Variants in SLC28A1 observed in about 807,000 individuals in gnomAD.
SLC28A1 encodes solute carrier family 28 member 1.
In SLC28A1, 64 loss-of-function variants were observed where a neutral mutation model predicts 74.8. That is an observed-to-expected ratio of 0.86 (90% CI 0.70 to 1.05). The LOEUF (loss-of-function observed/expected upper bound fraction) is 1.05, where lower values mean the gene tolerates loss of function less well. Ranked by LOEUF, SLC28A1 falls within the 50% of genes least tolerant of loss-of-function variation. The pLI is 0.00. For synonymous variants in SLC28A1, 359 were observed against 335.0 expected, an observed-to-expected ratio of 1.07 and a Z score of -0.78; for missense variants, 828 against 822.8, an observed-to-expected ratio of 1.01 and a Z score of -0.08.
At chr15:84,908,178 C>CTTTTTT (rs71135328) in intron 8 of SLC28A1, among the ~76,000 whole-genome samples, 3,426 of 91,096 alleles carry the variant, frequency 0.038, 270 homozygotes, top group East Asian at 0.073. Context: ...CAGAGCATTT[C>CTTTTTT]TTTTTTTTTT....
At chr15:84,968,915 G>C in the SLC28A1 span, among the ~76,000 whole-genome samples, 12 of 152,246 alleles carry the variant, frequency 7.9e-5, no homozygotes, top group African/African-American at 2.2e-4. Context: ...CCCGGGTAAG[G>C]GGAGAGGGAA....
At chr15:84,955,589 G>T in the SLC28A1 span, among the ~76,000 whole-genome samples, 1 of 152,150 alleles carries the variant, frequency 6.6e-6, no homozygotes. Context: ...GGTTTCTTTG[G>T]TTCAGCGGGA....
chr15:84,951,102 A>G, the SLC28A1 span, among the ~76,000 whole-genome samples: 5 of 152,158 alleles, frequency 3.3e-5, no homozygotes, highest in African/African-American at 9.7e-5. Context: ...TGGGAAGGTG[A>G]GCAAGCTTGG....
intron 3 of SLC28A1, 128 bp downstream of exon 3, chr15:84,887,984 C>A: frequency 1.4e-6 from 1 of 716,136 alleles, no homozygotes; most frequent in Non-Finnish European, 2.5e-6. Flanking sequence ...CTTCTCACCT[C>A]TTTGCTGGCA....
At chr15:84,973,812 A>G in the SLC28A1 span, among the ~76,000 whole-genome samples, 9 of 152,166 alleles carry the variant, frequency 5.9e-5, no homozygotes, top group Admixed American at 1.3e-4. Flanking sequence ...GGCATTCAAT[A>G]AAGAGTACGC....
Position 84,895,433 on chromosome 15 carries a change from T to A in SLC28A1, c.461+310T>A. ...GAATCAGTACCTCCCTCAGATCACCTGGACAGTGTGAGACAAAAAGCCGCA... is the reference window on the plus strand; with the variant it reads ...GAATCAGTACCTCCCTCAGATCACCAGGACAGTGTGAGACAAAAAGCCGCA... On this transcript the variant is annotated intron_variant, in intron 6 of 18. Transcript: ENST00000394573. 1.9e-6 allele frequency: 3 copies of A among 1,613,858 alleles called. No individual in the cohort carries two copies. In the East Asian group the frequency reaches 6.7e-5, roughly 36 times the overall value.
chr15:84,889,153 T>C (rs1964976224), intron 4 of SLC28A1, among the ~76,000 whole-genome samples: 2 of 152,138 alleles, frequency 1.3e-5, no homozygotes, highest in Non-Finnish European at 2.9e-5. Flanking sequence ...CTCCCCCTTC[T>C]GCCTTCTACC....
rs951125306 is a variant in SLC28A1, at chr15:84,886,819, C to T, written c.-17+32C>T. 16 of 952,084 alleles carry T rather than the reference C, an allele frequency of 1.7e-5. 1 individual carries two copies. In the South Asian group the frequency reaches 2.9e-4, roughly 17 times the overall value. 59.0% of individuals were successfully genotyped at this position (952,084 alleles called of 1,614,324 possible). A position where few individuals can be genotyped will look rare whatever the true frequency, so the allele number is the denominator to read the frequency against. Reference sequence around the variant, plus strand: ...AGAAACAGGGCCCCGCTTCTGTGTGCGCTGCTGTGCGTCTGTGTGTGAGCC... The same window carrying T: ...AGAAACAGGGCCCCGCTTCTGTGTGTGCTGCTGTGCGTCTGTGTGTGAGCC... On this transcript the variant is annotated intron_variant, in intron 2 of 18. Transcript: ENST00000394573.
chr15:84,938,235 A>T (rs143479870), intron 15 of SLC28A1, among the ~76,000 whole-genome samples: 6 of 152,092 alleles, frequency 3.9e-5, no homozygotes, highest in African/African-American at 1.4e-4. Flanking sequence ...TAGAGTAAAA[A>T]GCACAAGTTT....
chr15:84,891,910 T>C (rs1965411909), intron 5 of SLC28A1, among the ~76,000 whole-genome samples: 1 of 151,756 alleles, frequency 6.6e-6, no homozygotes, highest in Non-Finnish European at 1.5e-5. Flanking sequence ...GTAGAAGGAA[T>C]ATGAAGGAAT....
the SLC28A1 span, among the ~76,000 whole-genome samples, chr15:84,958,613 G>T: frequency 6.6e-6 from 1 of 151,988 alleles, no homozygotes; most frequent in Non-Finnish European, 1.5e-5. Context: ...GAGTACAGTG[G>T]TGCAACCGTA....
intron 8 of SLC28A1, 135 bp downstream of exon 8, chr15:84,905,787 C>G: frequency 1.4e-6 from 1 of 729,340 alleles, no homozygotes; most frequent in Non-Finnish European, 2.4e-6. Flanking sequence ...TGGACTGGGG[C>G]CCCAGACCAG....
intron 16 of SLC28A1, 113 bp downstream of exon 16, chr15:84,943,639 G>T (rs757450438): frequency 1.2e-6 from 1 of 828,860 alleles, no homozygotes. Context: ...AAACAAGATG[G>T]CCATAGAGGC....
At chr15:84,962,651 C>T in the SLC28A1 span, among the ~76,000 whole-genome samples, 1 of 152,122 alleles carries the variant, frequency 6.6e-6, no homozygotes, top group Non-Finnish European at 1.5e-5. Context: ...GTTGCCCAGG[C>T]TGGTCTCAAA....
intron 9 of SLC28A1, among the ~76,000 whole-genome samples, chr15:84,916,240 C>CAGGTGTGAGCCATCATGCCTGGCCTTTTT (rs1555449976): frequency 1.0e-5 from 1 of 98,424 alleles, no homozygotes; most frequent in African/African-American, 4.9e-5. Flanking sequence ...GCTGGGATTA[C>CAGGTGTGAGCCATCATGCCTGGCCTTTTT]TTTTTTTTTT....
At chr15:84,972,730 G>A in the SLC28A1 span, among the ~76,000 whole-genome samples, 1 of 152,148 alleles carries the variant, frequency 6.6e-6, no homozygotes, top group African/African-American at 2.4e-5. Context: ...CAATTTCCAC[G>A]GAGCTACATT....
chr15:84,912,358 A>T (rs1968379289), intron 9 of SLC28A1, among the ~76,000 whole-genome samples: 1 of 152,086 alleles, frequency 6.6e-6, no homozygotes, highest in African/African-American at 2.4e-5. Context: ...CTCTGAGCTC[A>T]CTCAGATTTT....
At chr15:84,918,191 C>G (rs908659705) in intron 9 of SLC28A1, among the ~76,000 whole-genome samples, 10 of 152,102 alleles carry the variant, frequency 6.6e-5, no homozygotes, top group East Asian at 1.9e-4. Context: ...TTTTACTCCC[C>G]TTTTAGAGAC....
At chr15:84,890,393 C>A (rs1478939366) in intron 4 of SLC28A1, 50 bp from the exon 5 acceptor site, 2 of 1,352,494 alleles carry the variant, frequency 1.5e-6, no homozygotes, top group Non-Finnish European at 2.1e-6. Context: ...GGATCTCCCC[C>A]AGATGGGGTC....
Sources: allele counts gnomAD v4.1 joint callset (sites outside exome capture counted in the v4.1 genomes callset), GRCh38; gene constraint gnomAD v4.1.1; transcripts MANE v1.5; gene names NCBI Gene and HGNC (gene_info 2026-07-23, HGNC 2026-07-21).